ADCY3: variants seen among roughly 807,000 people sequenced by gnomAD.
The protein encoded by ADCY3 is adenylate cyclase 3.
ADCY3 carries 70 observed loss-of-function variants against 119.4 expected under a neutral mutation model. The ratio of observed to expected loss-of-function variants is 0.59; its 90% CI spans 0.48 to 0.72. ADCY3 has a LOEUF of 0.72. ADCY3 is among the 30% of genes least tolerant of loss of function. ADCY3 has a pLI of 0.00. For synonymous variants in ADCY3, 672 were observed against 621.4 expected (o/e 1.08, Z -1.21); for missense variants, 1,238 against 1,541.6 (o/e 0.80, Z 3.30).
chr2:24,820,998 G>T, intron 20 of ADCY3, 150 bp from the exon 21 acceptor site: 1 of 1,122,648 alleles, frequency 8.9e-7, no homozygotes, highest in South Asian at 1.6e-5. Context: ...ATTGGAGGGT[G>T]GAAATCACAT....
At position 24,824,409 on chromosome 2, in the gene ADCY3, C is replaced by T. The variant is rs374190273; in HGVS notation, c.2705G>A (p.Arg902His). The change falls in exon 17 of 22, where the codon CGC (arginine) becomes CAC (histidine). Residue 902 changes from arginine to histidine, a missense_variant. By Grantham distance (29) the Arg-to-His change is conservative. Transcript: ENST00000679454. The stretch of plus-strand genomic sequence containing the variant: ...TCTCTTCTTGGACCCCAGGAAATGG[C>T]GTGCCACGTGCTCAGGCAACATGTT... ...VTNMLPEHVARHFLGSKKRDE... is the reference protein window; with the variant it reads ...VTNMLPEHVAHHFLGSKKRDE... 13 of 1,614,078 alleles carry T rather than the reference C, an allele frequency of 8.1e-6. No individual in the cohort carries two copies. The highest frequency in any genetic ancestry group is 4.4e-5 in the South Asian group (4 of 91,088).
At position 24,855,202 on chromosome 2, in the gene ADCY3, C is replaced by G. The variant is rs756323217; in HGVS notation, c.826-12818G>C. 1.4e-4 allele frequency among the ~76,000 whole-genome samples: 22 copies of G among 152,208 alleles called. No individual in the cohort carries two copies. The South Asian group carries it at 3.9e-3, about 27-fold the overall frequency. On this transcript the variant is annotated intron_variant, in intron 3 of 21. Transcript: ENST00000679454. Reference sequence around the variant, plus strand: ...CCTTAGCCCCAGGTCCCCCCCACCCCCTTCTTCTTAGGAAGCTGTCTTTAA... The same window carrying G: ...CCTTAGCCCCAGGTCCCCCCCACCCGCTTCTTCTTAGGAAGCTGTCTTTAA...
At chr2:24,912,273 G>A (rs1429010152) in intron 2 of ADCY3, among the ~76,000 whole-genome samples, 1 of 151,324 alleles carries the variant, frequency 6.6e-6, no homozygotes, top group Admixed American at 6.6e-5. Context: ...GCCCAGCCTG[G>A]GCAACATGGT....
intron 2 of ADCY3, among the ~76,000 whole-genome samples, chr2:24,882,978 T>C (rs949694896): frequency 2.0e-5 from 3 of 152,060 alleles, no homozygotes; most frequent in Middle Eastern, 3.4e-3. Flanking sequence ...AAGAACTGCT[T>C]GAGCCCGGGA....
At chr2:24,904,863 A>T (rs144844953) in intron 2 of ADCY3, among the ~76,000 whole-genome samples, 3,948 of 151,284 alleles carry the variant, frequency 0.026, 70 homozygotes, top group South Asian at 0.052. Flanking sequence ...CTGGTCTTGA[A>T]CTCCTGACCT....
Position 24,918,925 on chromosome 2 carries a change from G to A in ADCY3, c.63C>T (p.Ser21=), listed in dbSNP as rs74332232. 809 of 1,612,026 alleles carry A rather than the reference G, an allele frequency of 5.0e-4. No homozygotes were observed. Among genetic ancestry groups the A allele is most frequent in the Non-Finnish European group, 6.7e-4 (787 of 1,179,838 alleles). ...EYSAEYSAEY[S]VSLPSDPDRG... Reference sequence around the variant, plus strand: ...GGTCAGGGTCGGAGGGCAGGCTGACGGAGTACTCGGCTGAGTACTCGGCCG... The same window carrying A: ...GGTCAGGGTCGGAGGGCAGGCTGACAGAGTACTCGGCTGAGTACTCGGCCG... The change falls in exon 2 of 22, where the codon TCC becomes TCT. Residue 21 remains serine, a synonymous_variant. Coordinates refer to ENST00000679454, the MANE Select transcript of ADCY3 (RefSeq NM_004036.5). This position sits in a 1 kb window ranked among gnomAD's most constrained non-coding sequence, Gnocchi z 5.4.
intron 13 of ADCY3, among the ~76,000 whole-genome samples, chr2:24,829,709 A>G (rs1360177664): frequency 6.6e-6 from 1 of 151,850 alleles, no homozygotes; most frequent in Non-Finnish European, 1.5e-5. Flanking sequence ...GGCGTGAGCC[A>G]CTGCGCCCGG....
chr2:24,874,232 T>G (rs373131200), intron 2 of ADCY3, among the ~76,000 whole-genome samples: 1 of 152,184 alleles, frequency 6.6e-6, no homozygotes, highest in Non-Finnish European at 1.5e-5. Flanking sequence ...CGAGTCTCAG[T>G]GCTGGTCAGC....
At chr2:24,830,234 T>A (rs1011649801) in intron 13 of ADCY3, among the ~76,000 whole-genome samples, 1 of 151,278 alleles carries the variant, frequency 6.6e-6, no homozygotes, top group East Asian at 1.9e-4. Context: ...ACAGATGGGG[T>A]TTCACCATGT....
rs974210090 is a variant in ADCY3, at chr2:24,865,489, C to G, written c.825+7081G>C. Among the ~76,000 whole-genome samples the G allele has an allele frequency of 6.4e-4, 90 of 140,428 alleles. 1 individual carries two copies. Among genetic ancestry groups the G allele is most frequent in the Middle Eastern group, 3.2e-3 (1 of 308 alleles). The allele number at this position is 140,428 out of a possible 152,430, so 92.1% of individuals were successfully genotyped here. ...TACAAAAGAGTGAATAGGCTATCAT[C>G]TGTGTGTGTGTGTGTGTGTGTGTGT... On this transcript the variant is annotated intron_variant, in intron 3 of 21. Coordinates refer to ENST00000679454, the MANE Select transcript of ADCY3 (RefSeq NM_004036.5).
At chr2:24,849,704 G>A (rs537023190) in intron 3 of ADCY3, among the ~76,000 whole-genome samples, 2 of 152,266 alleles carry the variant, frequency 1.3e-5, no homozygotes, top group South Asian at 2.1e-4. Flanking sequence ...TAAACAAGAC[G>A]TCAGTGCGTG....
Position 24,841,736 on chromosome 2 carries a change from C to A in ADCY3, c.957-69G>T. The A allele has an allele frequency of 8.5e-7, 1 of 1,176,262 alleles. No individual in the cohort carries two copies. Among genetic ancestry groups the A allele is most frequent in the Non-Finnish European group, 1.3e-6 (1 of 797,730 alleles). 72.9% of individuals were successfully genotyped at this position (1,176,262 alleles called of 1,614,324 possible). On this transcript the variant is annotated intron_variant, in intron 4 of 21. Coordinates refer to ENST00000679454, the MANE Select transcript of ADCY3 (RefSeq NM_004036.5). The surrounding 1 kb of genome is among the most constrained non-coding windows in gnomAD (Gnocchi z 5.8). ...GGTGTACCCGACCCCACTGCCAGCT[C>A]CCTCTCCAACCCACAGGGCAGCCAG... is the stretch of plus-strand genomic sequence containing the variant.
At chr2:24,849,097 C>G (rs776767436) in intron 3 of ADCY3, among the ~76,000 whole-genome samples, 20 of 152,216 alleles carry the variant, frequency 1.3e-4, no homozygotes, top group Non-Finnish European at 2.4e-4. Flanking sequence ...CAGCACCGTG[C>G]TGGCCTCCCT....
intron 3 of ADCY3, among the ~76,000 whole-genome samples, chr2:24,867,789 AAAGAATATTAAT>A (rs1330344012): frequency 6.6e-6 from 1 of 152,044 alleles, no homozygotes; most frequent in Non-Finnish European, 1.5e-5. Context: ...AAATATAAGT[AAAGAATATTAAT>A]AAGAATATTA....
intron 2 of ADCY3, among the ~76,000 whole-genome samples, chr2:24,903,598 A>G (rs11683266): frequency 6.6e-6 from 1 of 152,154 alleles, no homozygotes; most frequent in African/African-American, 2.4e-5. Flanking sequence ...TGAGATAAAA[A>G]GCGCTTCAAT....
At chr2:24,884,413 T>A (rs112128739) in intron 2 of ADCY3, among the ~76,000 whole-genome samples, 8 of 152,104 alleles carry the variant, frequency 5.3e-5, no homozygotes, top group African/African-American at 1.9e-4. Context: ...TAGGCCATCT[T>A]CCTATGCCTA....
intron 2 of ADCY3, among the ~76,000 whole-genome samples, chr2:24,911,649 A>ACACACACACACACACCC (rs1385728707): frequency 6.8e-6 from 1 of 146,634 alleles, no homozygotes; most frequent in African/African-American, 2.6e-5. Flanking sequence ...AAAAAAAAAA[A>ACACACACACACACACCC]AAAAAAAAAC....
intron 2 of ADCY3, among the ~76,000 whole-genome samples, chr2:24,895,670 A>C (rs1678180361): frequency 6.7e-6 from 1 of 150,360 alleles, no homozygotes; most frequent in African/African-American, 2.5e-5. Flanking sequence ...TCTGTCACCC[A>C]AGCTAGAGTG....
chr2:24,861,335 C>T (rs1673630455), intron 3 of ADCY3, among the ~76,000 whole-genome samples: 1 of 151,722 alleles, frequency 6.6e-6, no homozygotes, highest in African/African-American at 2.4e-5. Context: ...TGGAAGGAGG[C>T]CCCTTTTTTG....
Sources: gnomAD v4.1 joint callset for allele counts (sites outside exome capture counted in the v4.1 genomes callset) on GRCh38, gnomAD v4.1.1 for gene constraint, Gnocchi (gnomAD v3.1) non-coding constraint, MANE v1.5 for transcripts, NCBI Gene and HGNC (gene_info 2026-07-23, HGNC 2026-07-21) for gene names.